Variants in CHN2 observed in about 807,000 individuals in gnomAD.
The protein encoded by CHN2 is beta-chimaerin.
A neutral mutation model predicts 56.3 loss-of-function variants in CHN2; 35 were observed. The ratio of observed to expected loss-of-function variants is 0.62; its 90% confidence interval spans 0.47 to 0.82. CHN2 has a LOEUF of 0.82. CHN2 is among the 40% of genes least tolerant of loss of function. The probability of loss-of-function intolerance (pLI) is 0.00; values close to 1 mark genes in which losing one functional copy is unlikely to be tolerated. For synonymous variants in CHN2, 210 were observed against 212.8 expected, an observed-to-expected ratio of 0.99 and a Z score of 0.12; for missense variants, 491 against 580.5, an observed-to-expected ratio of 0.85 and a Z score of 1.58.
At chr7:29,388,703 C>G (rs898627791) in intron 3 of CHN2, among the ~76,000 whole-genome samples, 2 of 152,034 alleles carry the variant, frequency 1.3e-5, no homozygotes, top group Admixed American at 1.3e-4. Context: ...AAAATAAGAC[C>G]ACGTAAAAAT....
At chr7:29,361,424 T>A (rs1292480715) in intron 2 of CHN2, among the ~76,000 whole-genome samples, 2 of 152,212 alleles carry the variant, frequency 1.3e-5, no homozygotes, top group Non-Finnish European at 2.9e-5. Flanking sequence ...AATAGGCTTC[T>A]GTGCCTACTT....
intron 1 of CHN2, among the ~76,000 whole-genome samples, chr7:29,297,813 C>G (rs1025816566): frequency 6.6e-6 from 1 of 151,768 alleles, no homozygotes; most frequent in Non-Finnish European, 1.5e-5. Flanking sequence ...AACAGAGACA[C>G]GATTACCTAT....
At chr7:29,416,793 T>C (rs1232788574) in intron 6 of CHN2, among the ~76,000 whole-genome samples, 3 of 152,216 alleles carry the variant, frequency 2.0e-5, no homozygotes, top group Non-Finnish European at 4.4e-5. Context: ...TGTATGTATA[T>C]GTATATGTAT....
At chr7:29,497,676 C>G (rs1454128347) in intron 8 of CHN2, among the ~76,000 whole-genome samples, 1 of 152,064 alleles carries the variant, frequency 6.6e-6, no homozygotes, top group Non-Finnish European at 1.5e-5. Flanking sequence ...TTAGAATGCA[C>G]TGGACTTTAT....
chr7:29,312,337 C>G (rs906926344), intron 1 of CHN2, among the ~76,000 whole-genome samples: 1 of 152,110 alleles, frequency 6.6e-6, no homozygotes, highest in African/African-American at 2.4e-5. Context: ...AATTTCCGTT[C>G]CCCTGAACCT....
At chr7:29,166,848 C>T (rs1328159346) in intron 2 of CHN2, among the ~76,000 whole-genome samples, 2 of 151,816 alleles carry the variant, frequency 1.3e-5, no homozygotes, top group Non-Finnish European at 2.9e-5. Context: ...TTTCTATTTC[C>T]TGTACCTTCT....
Position 29,194,956 on chromosome 7 carries a change from C to T in CHN2, c.15C>T (p.Ser5=). 1.3e-6 allele frequency: 2 copies of T among 1,576,042 alleles called. No individual in the cohort carries two copies. The highest frequency in any genetic ancestry group is 1.7e-6 in the Non-Finnish European group (2 of 1,164,342). The change falls in exon 1 of 13, where the codon AGC becomes AGT. Residue 5 remains serine, a synonymous_variant. Transcript: ENST00000222792. The part of the protein sequence containing the change: MAAS[S]NSSLSGSSVS... ...GGCGCGCGGAGATGGCAGCGTCCAG[C>T]AACTCCAGCCTGTCCGGCTCGTCGG...
chr7:29,429,817 T>C (rs905159483), intron 6 of CHN2, among the ~76,000 whole-genome samples: 1 of 152,248 alleles, frequency 6.6e-6, no homozygotes, highest in Non-Finnish European at 1.5e-5. Context: ...TATCTAACAA[T>C]ATGGTGTACT....
intron 1 of CHN2, among the ~76,000 whole-genome samples, chr7:29,308,935 T>A (rs904115111): frequency 6.6e-6 from 1 of 152,196 alleles, no homozygotes; most frequent in Admixed American, 6.5e-5. Context: ...GATAGGAACA[T>A]GTCTGTTTTG....
chr7:29,288,636 C>A (rs1792343188), intron 1 of CHN2, among the ~76,000 whole-genome samples: 1 of 152,158 alleles, frequency 6.6e-6, no homozygotes, highest in Non-Finnish European at 1.5e-5. Flanking sequence ...TGGCTCTAGT[C>A]AGCTTTAATT....
At chr7:29,417,966 C>A (rs181097054) in intron 6 of CHN2, among the ~76,000 whole-genome samples, 1 of 152,158 alleles carries the variant, frequency 6.6e-6, no homozygotes, top group Non-Finnish European at 1.5e-5. Context: ...ACATGTGAGG[C>A]TGGAGAGTCG....
Position 29,370,496 on chromosome 7 carries a change from G to A in CHN2, c.144+2509G>A, listed in dbSNP as rs142430836. On this transcript the variant is annotated intron_variant, in intron 3 of 12. Coordinates refer to ENST00000222792, the MANE Select transcript of CHN2 (RefSeq NM_004067.4). ...CATCTCATCCGTTAGCTAAGAGCCC[G>A]CATCTTCCTCTTCTACGCAGCTCTG... is the stretch of plus-strand genomic sequence containing the variant. Among the ~76,000 whole-genome samples, 823 of 152,166 alleles carry A rather than the reference G, an allele frequency of 5.4e-3. 4 individuals are homozygous for A. The highest frequency in any genetic ancestry group is 0.019 in the African/African-American group (784 of 41,518).
chr7:29,326,209 G>A (rs1039557203), intron 1 of CHN2, among the ~76,000 whole-genome samples: 2 of 152,158 alleles, frequency 1.3e-5, no homozygotes, highest in Admixed American at 6.5e-5. Flanking sequence ...CCAGGCTGGA[G>A]TGCAGTGGCG....
chr7:29,385,423 G>C (rs578073340), intron 3 of CHN2, among the ~76,000 whole-genome samples: 6 of 152,262 alleles, frequency 3.9e-5, no homozygotes, highest in Middle Eastern at 3.4e-3. Context: ...TGTACTGTGT[G>C]ATGTTTATTA....
rs141582202 is a variant in CHN2, at chr7:29,171,513, A to T, written c.274+24553A>T. 3.3e-4 allele frequency among the ~76,000 whole-genome samples: 51 copies of T among 152,316 alleles called. 1 individual carries two copies. The East Asian group carries it at 9.7e-3, about 29-fold the overall frequency. On this transcript the variant is annotated intron_variant, in intron 2 of 6. Coordinates refer to the CHN2 transcript ENST00000439384. The stretch of plus-strand genomic sequence containing the variant: ...AGGATTCTACCCAGAATCCTCCTCA[A>T]TTCAGCCCCGAGCTTTCTTTGAAGG...
intron 5 of CHN2, among the ~76,000 whole-genome samples, chr7:29,398,700 G>A (rs2128082567): frequency 6.6e-6 from 1 of 151,804 alleles, no homozygotes; most frequent in South Asian, 2.1e-4. Context: ...AGGCTCAAGT[G>A]CCTCCCACCT....
intron 2 of CHN2, among the ~76,000 whole-genome samples, chr7:29,157,264 CCTG>C (rs1043031344): frequency 6.6e-5 from 10 of 152,214 alleles, no homozygotes; most frequent in African/African-American, 2.4e-4. Flanking sequence ...CCTCCCCCAC[CCTG>C]CTACACCCAT....
intron 6 of CHN2, among the ~76,000 whole-genome samples, chr7:29,426,967 T>G (rs1272061866): frequency 6.6e-6 from 1 of 152,138 alleles, no homozygotes; most frequent in Non-Finnish European, 1.5e-5. Context: ...ACACTCTTAA[T>G]CTCTCTGACT....
intron 1 of CHN2, among the ~76,000 whole-genome samples, chr7:29,301,002 TTTAG>T (rs142569186): frequency 0.093 from 14,188 of 152,224 alleles, 846 homozygotes; most frequent in East Asian, 0.2. Context: ...TCCATTTTCT[TTTAG>T]TTAATTTTGA....
Sources: allele counts gnomAD v4.1 joint callset (sites outside exome capture counted in the v4.1 genomes callset), GRCh38; gene constraint gnomAD v4.1.1; transcripts MANE v1.5; gene names NCBI Gene and HGNC (gene_info 2026-07-23, HGNC 2026-07-21).